PHACTR1: variants seen among roughly 807,000 people sequenced by gnomAD.
PHACTR1 encodes phosphatase and actin regulator 1.
PHACTR1 carries 16 observed loss-of-function variants against 69.2 expected under a neutral mutation model. That is an observed-to-expected ratio of 0.23 (90% CI 0.16 to 0.35). PHACTR1 has a LOEUF of 0.35. Among genes scored for constraint, PHACTR1 ranks in the 10% least tolerant of loss-of-function variants. The pLI, the probability that PHACTR1 is intolerant of heterozygous loss-of-function variation, is 1.00. For missense variants in PHACTR1, 510 were observed against 734.7 expected (o/e 0.69, Z 3.54); for synonymous variants, 312 against 284.5 (o/e 1.10, Z -0.97).
chr6:13,199,481 C>T (rs1218343003), intron 7 of PHACTR1, among the ~76,000 whole-genome samples: 1 of 150,744 alleles, frequency 6.6e-6, no homozygotes, highest in Non-Finnish European at 1.5e-5. Context: ...TTGTCATCCT[C>T]ACTATAAAAA....
intron 5 of PHACTR1, among the ~76,000 whole-genome samples, chr6:13,070,369 C>T (rs961824274): frequency 2.6e-5 from 4 of 152,060 alleles, no homozygotes; most frequent in Admixed American, 1.3e-4. Context: ...CTTGAGTGCC[C>T]ACCTGACAAG....
At chr6:12,877,370 C>T (rs1300708580) in intron 4 of PHACTR1, among the ~76,000 whole-genome samples, 1 of 152,096 alleles carries the variant, frequency 6.6e-6, no homozygotes, top group East Asian at 1.9e-4. Context: ...GCTTTGATGG[C>T]CATCCAGGGT....
At chr6:12,775,979 C>T (rs891746287) in intron 4 of PHACTR1, among the ~76,000 whole-genome samples, 5 of 152,144 alleles carry the variant, frequency 3.3e-5, no homozygotes, top group African/African-American at 4.8e-5. Context: ...TAATGGTGAA[C>T]GATGTAGTCA....
At chr6:12,832,925 A>G (rs999500966) in intron 4 of PHACTR1, among the ~76,000 whole-genome samples, 2 of 152,202 alleles carry the variant, frequency 1.3e-5, no homozygotes, top group African/African-American at 4.8e-5. Flanking sequence ...GACACATGAG[A>G]TAAGCAACCT....
At chr6:13,198,137 C>G (rs1020497918) in intron 7 of PHACTR1, among the ~76,000 whole-genome samples, 1 of 152,214 alleles carries the variant, frequency 6.6e-6, no homozygotes, top group Non-Finnish European at 1.5e-5. Context: ...TGGGTATCTA[C>G]TATGCACTAG....
intron 4 of PHACTR1, among the ~76,000 whole-genome samples, chr6:12,889,732 T>C (rs1783978482): frequency 7.4e-6 from 1 of 135,592 alleles, no homozygotes; most frequent in Non-Finnish European, 1.6e-5. Context: ...AATTTTCTTC[T>C]TCTTTCTTCT....
intron 4 of PHACTR1, among the ~76,000 whole-genome samples, chr6:13,011,969 A>G (rs1395265744): frequency 6.6e-6 from 1 of 152,224 alleles, no homozygotes; most frequent in African/African-American, 2.4e-5. Context: ...TGAATCTGAC[A>G]TGAGTAGACA....
chr6:13,281,088 G>A lies in PHACTR1; in HGVS notation c.1510-2334G>A, dbSNP rs1326698518. 8.5e-6 allele frequency: 11 copies of A among 1,289,472 alleles called. No individual in the cohort carries two copies. The East Asian group carries it at 1.7e-4, about 19-fold the overall frequency. 79.9% of individuals were successfully genotyped at this position (1,289,472 alleles called of 1,614,324 possible). On this transcript the variant is annotated intron_variant, in intron 12 of 14. Coordinates refer to ENST00000332995, the MANE Select transcript of PHACTR1 (RefSeq NM_030948.6). ...GGAAAGACGGTGTCCAAGGCCCCGC[G>A]ATGTTCAGGCATAAGAAACAGCCCC... is the stretch of plus-strand genomic sequence containing the variant.
intron 4 of PHACTR1, among the ~76,000 whole-genome samples, chr6:12,952,951 A>G (rs1328148082): frequency 6.6e-6 from 1 of 152,202 alleles, no homozygotes; most frequent in Admixed American, 6.5e-5. Flanking sequence ...AGTGCCAAAA[A>G]TGACTCTGAG....
At chr6:12,743,549 G>T (rs972115435) in intron 3 of PHACTR1, among the ~76,000 whole-genome samples, 1 of 152,022 alleles carries the variant, frequency 6.6e-6, no homozygotes, top group African/African-American at 2.4e-5. Context: ...GATAACCTGG[G>T]GCTGCTGGGC....
intron 4 of PHACTR1, among the ~76,000 whole-genome samples, chr6:12,789,052 G>T (rs1233664680): frequency 6.6e-6 from 1 of 152,278 alleles, no homozygotes; most frequent in East Asian, 1.9e-4. Context: ...CCATTTCTTT[G>T]TTCTTCTTTT....
chr6:13,184,867 G>A (rs1364357638), intron 7 of PHACTR1: 1 of 1,366,584 alleles, frequency 7.3e-7, no homozygotes, highest in Non-Finnish European at 9.8e-7. Context: ...AGCCAAACCA[G>A]TCCTGCTACT....
At chr6:13,205,089 T>C (rs1173736563) in intron 7 of PHACTR1, among the ~76,000 whole-genome samples, 1 of 152,188 alleles carries the variant, frequency 6.6e-6, no homozygotes, top group Non-Finnish European at 1.5e-5. Context: ...CTGGGAAGTA[T>C]GAGAAACATG....
intron 11 of PHACTR1, chr6:13,274,082 C>G (rs1445318511): frequency 6.6e-6 from 1 of 152,186 alleles, no homozygotes; most frequent in Non-Finnish European, 1.5e-5. Flanking sequence ...TGCTGGGTTC[C>G]GCTTTGGTGG....
At chr6:12,784,045 T>G (rs1771169856) in intron 4 of PHACTR1, among the ~76,000 whole-genome samples, 1 of 151,418 alleles carries the variant, frequency 6.6e-6, no homozygotes, top group Non-Finnish European at 1.5e-5. Context: ...CACATATCTA[T>G]ACACATATGC....
At chr6:13,133,007 C>A (rs1385420870) in intron 5 of PHACTR1, among the ~76,000 whole-genome samples, 2 of 152,128 alleles carry the variant, frequency 1.3e-5, no homozygotes, top group African/African-American at 4.8e-5. Context: ...TCCTCTCAAA[C>A]CCTGCTGCTG....
At chr6:12,983,528 A>ATTAT (rs535231733) in intron 4 of PHACTR1, among the ~76,000 whole-genome samples, 2,001 of 152,148 alleles carry the variant, frequency 0.013, 40 homozygotes, top group African/African-American at 0.044. Context: ...AGACGTATTT[A>ATTAT]TTATTTATTT....
In PHACTR1 at chr6:12,744,730, A is replaced by G. The variant is rs1765550670; in HGVS notation, c.104-4914A>G. ...ATTCCATAGGCAGAGCAGCAAAAAA[A>G]TGATGTTTTATGCTGATATTGTATC... On this transcript the variant is annotated intron_variant, in intron 3 of 14. Transcript: ENST00000332995. Among the ~76,000 whole-genome samples, 3 of 152,244 alleles carry G rather than the reference A, an allele frequency of 2.0e-5. No homozygotes were observed. In the South Asian group the frequency reaches 6.2e-4, roughly 32 times the overall value.
At chr6:13,141,033 G>A (rs1243298494) in intron 5 of PHACTR1, among the ~76,000 whole-genome samples, 1 of 152,088 alleles carries the variant, frequency 6.6e-6, no homozygotes, top group African/African-American at 2.4e-5. Context: ...ATATAACCTC[G>A]GGCAAGAGTT....
Sources: gnomAD v4.1 joint callset for allele counts (sites outside exome capture counted in the v4.1 genomes callset) on GRCh38, gnomAD v4.1.1 for gene constraint, MANE v1.5 for transcripts, NCBI Gene and HGNC (gene_info 2026-07-23, HGNC 2026-07-21) for gene names.